SLAMF8: variants seen among roughly 807,000 people sequenced by gnomAD.
The protein encoded by SLAMF8 is B lymphocyte activator macrophage expressed.
SLAMF8 carries 23 observed loss-of-function variants against 29.0 expected under a neutral mutation model. The observed-to-expected ratio is 0.79, with a 90% CI of 0.57 to 1.13. The LOEUF is 1.13. Among genes scored for constraint, SLAMF8 ranks in the 50% most tolerant of loss-of-function variants. SLAMF8 has a pLI of 0.00. For missense variants in SLAMF8, 381 were observed against 353.1 expected, an observed-to-expected ratio of 1.08 and a Z score of -0.63; for synonymous variants, 139 against 145.6, an observed-to-expected ratio of 0.96 and a Z score of 0.32.
At position 159,836,277 on chromosome 1, in the gene SLAMF8, G is replaced by T. The variant is rs74356203; in HGVS notation, c.*1017G>T. On this transcript the variant is annotated 3_prime_UTR_variant, in exon 5 of 5. Coordinates refer to ENST00000289707, the MANE Select transcript of SLAMF8 (RefSeq NM_020125.3). ...ATGCAAATGCAGAAGACTTACCTTA[G>T]TTCAAGGGGAGGGGACAAAGACCCC... is the stretch of plus-strand genomic sequence containing the variant. 34 of 985,154 alleles carry T rather than the reference G, an allele frequency of 3.5e-5. No individual in the cohort carries two copies. Among genetic ancestry groups the T allele is most frequent in the Admixed American group, 3.1e-4 (5 of 16,288 alleles). The allele number at this position is 985,154 out of a possible 1,614,324, so 61.0% of individuals were successfully genotyped here.
Position 159,830,108 on chromosome 1 carries a change from T to C in SLAMF8, c.283T>C (p.Ser95Pro). The C allele has an allele frequency of 1.2e-6, 2 of 1,613,952 alleles. No individual in the cohort carries two copies. Among genetic ancestry groups the C allele is most frequent in the African/African-American group, 2.7e-5 (2 of 74,962 alleles). The change falls in exon 2 of 5, where the codon TCT becomes CCT. Residue 95 changes from serine to proline, a missense_variant. Transcript: ENST00000289707. ...CAGCCTGGAGCTCGGGCCGCTGGAGTCTGGAGACAGCGGCAACTTCTCCGT... is the reference window on the plus strand; with the variant it reads ...CAGCCTGGAGCTCGGGCCGCTGGAGCCTGGAGACAGCGGCAACTTCTCCGT... ...NLSLELGPLE[S>P]GDSGNFSVLM...
rs147962945 is a variant in SLAMF8, at chr1:159,829,177, G to A, written c.41-689G>A. 6.7e-3 allele frequency among the ~76,000 whole-genome samples: 1,020 copies of A among 152,208 alleles called. 4 individuals are homozygous for A. The highest frequency in any genetic ancestry group is 0.016 in the Admixed American group (241 of 15,286). On this transcript the variant is annotated intron_variant, in intron 1 of 4. Transcript: ENST00000289707. ...GACTAACATGAACAGCCTAAGTCCT[G>A]CCCACCTCCAGTGCATTCTCCACAT...
intron 1 of SLAMF8, among the ~76,000 whole-genome samples, chr1:159,828,771 C>T (rs773463859): frequency 6.6e-6 from 1 of 152,098 alleles, no homozygotes; most frequent in Non-Finnish European, 1.5e-5. Flanking sequence ...GTTACATTAC[C>T]TATGAGGGAT....
chr1:159,831,328 C>G (rs1376638156), intron 2 of SLAMF8, among the ~76,000 whole-genome samples: 1 of 152,066 alleles, frequency 6.6e-6, no homozygotes, highest in African/African-American at 2.4e-5. Flanking sequence ...CCCGAGACAG[C>G]TAACTGGCTG....
chr1:159,828,470 G>A (rs1469856861), intron 1 of SLAMF8, among the ~76,000 whole-genome samples: 1 of 152,198 alleles, frequency 6.6e-6, no homozygotes, highest in Non-Finnish European at 1.5e-5. Flanking sequence ...ATGTCTCATT[G>A]ACCAAAACTT....
chr1:159,833,480 T>A, intron 4 of SLAMF8, 111 bp downstream of exon 4: 1 of 1,471,306 alleles, frequency 6.8e-7, no homozygotes, highest in African/African-American at 1.4e-5. Context: ...CCTTCCTACC[T>A]CTCCCACCTC....
In SLAMF8 at chr1:159,826,953, C is replaced by A. The variant is rs780647352; in HGVS notation, c.40+15C>A. 1 of 1,614,042 alleles carries A rather than the reference C, an allele frequency of 6.2e-7. No homozygotes were observed. Among genetic ancestry groups the A allele is most frequent in the Non-Finnish European group, 8.5e-7 (1 of 1,180,000 alleles). The stretch of plus-strand genomic sequence containing the variant: ...TCTCTGGGAAGGTAAGTGGGGCAGG[C>A]AGATAGCCTGTCCTCGGAGAGCTGA... On this transcript the variant is annotated intron_variant, in intron 1 of 4. Coordinates refer to ENST00000289707, the MANE Select transcript of SLAMF8 (RefSeq NM_020125.3).
At chr1:159,834,811 A>C (rs1252245545) in intron 4 of SLAMF8, 1 of 195,752 alleles carries the variant, frequency 5.1e-6, no homozygotes, top group African/African-American at 2.3e-5. Context: ...ATAAAATAGC[A>C]TCTTTGGCCA....
Position 159,830,144 on chromosome 1 carries a change from G to C in SLAMF8, c.319G>C (p.Asp107His). 6.2e-7 allele frequency: 1 copy of C among 1,613,626 alleles called. No individual in the cohort carries two copies. Among genetic ancestry groups the C allele is most frequent in the Non-Finnish European group, 8.5e-7 (1 of 1,179,664 alleles). Residue 107 changes from aspartate (D) to histidine (H), a missense_variant, in exon 2 of 5, where the codon GAC (aspartate) becomes CAC (histidine). Coordinates refer to ENST00000289707, the MANE Select transcript of SLAMF8 (RefSeq NM_020125.3). The part of the protein sequence containing the change: ...DSGNFSVLMV[D>H]TRGQPWTQTL... ...CGGCAACTTCTCCGTGTTGATGGTG[G>C]ACACAAGGGGCCAGCCCTGGACCCA...
intron 4 of SLAMF8, chr1:159,834,546 A>G (rs1647765930): frequency 6.6e-6 from 1 of 152,274 alleles, no homozygotes; most frequent in African/African-American, 2.4e-5. Flanking sequence ...AAAGTATACA[A>G]TTCGATGCCT....
chr1:159,837,466 G>T lies in SLAMF8; in HGVS notation c.*2206G>T. On this transcript the variant is annotated 3_prime_UTR_variant, in exon 5 of 5. Transcript: ENST00000289707. ...CTTGCCTTTGAGAGTTTATGGTCTG[G>T]ATAATATAAATAAACAAGTAAGCAT... 1.3e-5 allele frequency: 3 copies of T among 226,198 alleles called. No homozygotes were observed. Among genetic ancestry groups the T allele is most frequent in the Non-Finnish European group, 2.2e-5 (3 of 134,900 alleles). The allele number at this position is 226,198 out of a possible 1,614,324, so 14.0% of individuals were successfully genotyped here. A position where few individuals can be genotyped will look rare whatever the true frequency, so the allele number is the denominator to read the frequency against.
In SLAMF8 at chr1:159,829,970, A is replaced by C; in HGVS notation, c.145A>C (p.Ile49Leu). 6.2e-7 allele frequency: 1 copy of C among 1,614,262 alleles called. No homozygotes were observed. Among genetic ancestry groups the C allele is most frequent in the Non-Finnish European group, 8.5e-7 (1 of 1,180,040 alleles). ...CCCTGGCTTCCAAGTCCGTGAGGCT[A>C]TCTGGCGATCTCTCTGGCCTTCAGA... is the stretch of plus-strand genomic sequence containing the variant. Reference protein sequence around the residue: ...RPPGFQVREAIWRSLWPSEEL... With the variant: ...RPPGFQVREALWRSLWPSEEL... Residue 49 changes from isoleucine to leucine, a missense_variant, in exon 2 of 5, where the codon ATC (isoleucine) becomes CTC (leucine). Ile to Leu is a conservative substitution (Grantham distance 5). Coordinates refer to ENST00000289707, the MANE Select transcript of SLAMF8 (RefSeq NM_020125.3).
rs562291322 is a variant in SLAMF8 at position 159,827,936 on chromosome 1, C to T, written c.40+998C>T. ...GTAACCTCTGCCTCCTGGGTTCAAGCGATTCTCCTGTCTCAGCCTCCTGAG... is the reference window on the plus strand; with the variant it reads ...GTAACCTCTGCCTCCTGGGTTCAAGTGATTCTCCTGTCTCAGCCTCCTGAG... On this transcript the variant is annotated intron_variant, in intron 1 of 4. Coordinates refer to ENST00000289707, the MANE Select transcript of SLAMF8 (RefSeq NM_020125.3). Among the ~76,000 whole-genome samples the T allele has an allele frequency of 2.5e-3, 380 of 151,976 alleles. 4 individuals carry two copies. Among genetic ancestry groups the T allele is most frequent in the African/African-American group, 8.6e-3 (358 of 41,434 alleles).
chr1:159,831,620 C>T (rs754093143), intron 2 of SLAMF8, among the ~76,000 whole-genome samples: 2 of 152,204 alleles, frequency 1.3e-5, no homozygotes, highest in Non-Finnish European at 2.9e-5. Flanking sequence ...GCAGCACCCA[C>T]ACCACTAAGC....
chr1:159,836,903 T>G lies in SLAMF8; in HGVS notation c.*1643T>G. 1 of 985,478 alleles carries G rather than the reference T, an allele frequency of 1.0e-6. No individual in the cohort carries two copies. The highest frequency in any genetic ancestry group is 1.1e-4 in the East Asian group (1 of 8,816). 61.0% of individuals were successfully genotyped at this position (985,478 alleles called of 1,614,324 possible). On this transcript the variant is annotated 3_prime_UTR_variant, in exon 5 of 5. Transcript: ENST00000289707. ...GTCCATGGCCACTCAACCTGTCAGC[T>G]TGCACCATCCCCACCTGCCACCTAC...
At chr1:159,827,126 C>T (rs1424462614) in intron 1 of SLAMF8, among the ~76,000 whole-genome samples, 188 bp downstream of exon 1, 3 of 152,128 alleles carry the variant, frequency 2.0e-5, no homozygotes, top group Admixed American at 6.5e-5. Flanking sequence ...GATGCAGGGT[C>T]CTGGGAGGGA....
Position 159,836,563 on chromosome 1 carries a change from G to A in SLAMF8, c.*1303G>A, listed in dbSNP as rs1019048955. 16 of 985,466 alleles carry A rather than the reference G, an allele frequency of 1.6e-5. No homozygotes were observed. Among genetic ancestry groups the A allele is most frequent in the Non-Finnish European group, 1.8e-5 (15 of 829,952 alleles). 61.0% of individuals were successfully genotyped at this position (985,466 alleles called of 1,614,324 possible). A position where few individuals can be genotyped will look rare whatever the true frequency, so the allele number is the denominator to read the frequency against. The stretch of plus-strand genomic sequence containing the variant: ...AGTCTTGATAACAGCGAGGAAAGAG[G>A]TATTGAAGAAACAGGGGTGGGTTTG... On this transcript the variant is annotated 3_prime_UTR_variant, in exon 5 of 5. Coordinates refer to ENST00000289707, the MANE Select transcript of SLAMF8 (RefSeq NM_020125.3).
At position 159,826,887 on chromosome 1, in the gene SLAMF8, C is replaced by T. The variant is rs1663653800; in HGVS notation, c.-12C>T. ...GGCTGTCGAGGGAGTTTGCCTGCCT[C>T]TCCAGAGAAAGATGGTCATGAGGCC... On this transcript the variant is annotated 5_prime_UTR_variant, in exon 1 of 5. Transcript: ENST00000289707. 1 of 1,614,018 alleles carries T rather than the reference C, an allele frequency of 6.2e-7. No individual in the cohort carries two copies. Among genetic ancestry groups the T allele is most frequent in the South Asian group, 1.1e-5 (1 of 91,080 alleles).
chr1:159,836,857 C>T lies in SLAMF8; in HGVS notation c.*1597C>T, dbSNP rs1168773617. The T allele has an allele frequency of 1.0e-6, 1 of 985,510 alleles. No homozygotes were observed. The allele number at this position is 985,510 out of a possible 1,614,324, so 61.0% of individuals were successfully genotyped here. On this transcript the variant is annotated 3_prime_UTR_variant, in exon 5 of 5. Coordinates refer to ENST00000289707, the MANE Select transcript of SLAMF8 (RefSeq NM_020125.3). ...CACCCACTTCTCTCCTATCACCTTC[C>T]CCCAAGATTACCTGAACAGGGTCCA...
Sources: allele counts gnomAD v4.1 joint callset (sites outside exome capture counted in the v4.1 genomes callset), GRCh38; gene constraint gnomAD v4.1.1; transcripts MANE v1.5; gene names NCBI Gene and HGNC (gene_info 2026-07-23, HGNC 2026-07-21).